The following RGS7 variants were observed in gnomAD, a reference collection of about 807,000 sequenced individuals.
RGS7 encodes regulator of G-protein signaling 7.
RGS7 carries 27 observed loss-of-function variants against 81.1 expected under a neutral mutation model. The observed-to-expected ratio is 0.33, with a 90% CI of 0.25 to 0.46. The LOEUF (loss-of-function observed/expected upper bound fraction) is 0.46, where lower values mean the gene tolerates loss of function less well. RGS7 is among the 20% of genes least tolerant of loss of function. RGS7 has a pLI of 1.00. For synonymous variants in RGS7, 208 were observed against 207.7 expected, an observed-to-expected ratio of 1.00 and a Z score of -0.01; for missense variants, 396 against 607.4, an observed-to-expected ratio of 0.65 and a Z score of 3.66.
chr1:241,291,330 CA>C (rs66616617), intron 2 of RGS7, among the ~76,000 whole-genome samples: 35,414 of 151,964 alleles, frequency 0.23, 4,713 homozygotes, highest in Non-Finnish European at 0.28. Flanking sequence ...CTCACAGTTA[CA>C]ATACACATGT....
chr1:241,223,642 G>T (rs1040938182), intron 2 of RGS7, among the ~76,000 whole-genome samples: 1 of 151,694 alleles, frequency 6.6e-6, no homozygotes, highest in Admixed American at 6.6e-5. Flanking sequence ...AGTTTGTCAC[G>T]TGAAAGAGGA....
At chr1:241,255,794 G>A (rs1469236199) in intron 2 of RGS7, among the ~76,000 whole-genome samples, 2 of 152,140 alleles carry the variant, frequency 1.3e-5, no homozygotes, top group African/African-American at 2.4e-5. Flanking sequence ...TTCCTACCGC[G>A]ATGTGCTTTT....
intron 2 of RGS7, among the ~76,000 whole-genome samples, chr1:241,124,536 G>A (rs1487914117): frequency 2.0e-5 from 3 of 152,248 alleles, no homozygotes; most frequent in Non-Finnish European, 4.4e-5. Flanking sequence ...CTGGGATAGA[G>A]GGTTAGGGAT....
At chr1:240,931,812 T>A (rs1675487677) in intron 5 of RGS7, among the ~76,000 whole-genome samples, 1 of 152,084 alleles carries the variant, frequency 6.6e-6, no homozygotes, top group Admixed American at 6.5e-5. Context: ...CGAGAGAAAC[T>A]TTATTATTAT....
chr1:240,877,284 T>C (rs894099765), intron 6 of RGS7, among the ~76,000 whole-genome samples: 3 of 149,354 alleles, frequency 2.0e-5, no homozygotes, highest in Non-Finnish European at 3.0e-5. Flanking sequence ...AAAGTATTTA[T>C]ATATTTATAT....
At chr1:241,019,264 T>C (rs1179092693) in intron 3 of RGS7, among the ~76,000 whole-genome samples, 1 of 152,176 alleles carries the variant, frequency 6.6e-6, no homozygotes. Context: ...CTGCTCCAAG[T>C]AAACAATTCT....
At chr1:240,843,577 TTTATG>T (rs1658519964) in intron 9 of RGS7, among the ~76,000 whole-genome samples, 1 of 152,198 alleles carries the variant, frequency 6.6e-6, no homozygotes, top group Non-Finnish European at 1.5e-5. Flanking sequence ...GACACATATC[TTTATG>T]TTGAGTTTTC....
intron 10 of RGS7, among the ~76,000 whole-genome samples, chr1:240,823,814 C>G (rs1692275984): frequency 7.4e-6 from 1 of 134,432 alleles, no homozygotes; most frequent in African/African-American, 2.7e-5. Flanking sequence ...TCTCTCTCCC[C>G]CCTCCCGCCC....
intron 2 of RGS7, among the ~76,000 whole-genome samples, chr1:241,311,643 G>A (rs1294171812): frequency 6.6e-6 from 1 of 152,152 alleles, no homozygotes; most frequent in Non-Finnish European, 1.5e-5. Context: ...TATTTCTATA[G>A]GGCTCAATTC....
intron 6 of RGS7, chr1:240,920,498 C>G (rs1237172759): frequency 3.0e-5 from 27 of 892,426 alleles, no homozygotes; most frequent in East Asian, 7.2e-5. Context: ...ACTTTGGAGG[C>G]AGAAGCTCTG....
intron 10 of RGS7, chr1:240,823,355 C>A (rs564428809): frequency 2.0e-6 from 1 of 497,000 alleles, no homozygotes; most frequent in Admixed American, 2.7e-5. Flanking sequence ...AAATTAGCTG[C>A]GGAGATGCCC....
intron 3 of RGS7, among the ~76,000 whole-genome samples, chr1:241,050,735 T>A (rs2061203914): frequency 6.6e-6 from 1 of 152,130 alleles, no homozygotes; most frequent in Admixed American, 6.6e-5. Flanking sequence ...TGAAAAGGAT[T>A]AAAACTGTTA....
intron 2 of RGS7, among the ~76,000 whole-genome samples, chr1:241,115,661 T>C (rs1255165027): frequency 6.6e-6 from 1 of 152,160 alleles, no homozygotes; most frequent in Non-Finnish European, 1.5e-5. Context: ...TCCGTTTCCC[T>C]TGGAGAATAT....
chr1:240,962,862 G>A (rs1324739551), intron 4 of RGS7, among the ~76,000 whole-genome samples: 1 of 152,180 alleles, frequency 6.6e-6, no homozygotes, highest in African/African-American at 2.4e-5. Flanking sequence ...AGCATGGGTT[G>A]AAAAGTGATC....
At chr1:240,795,220 A>ACC (rs77768292) in intron 18 of RGS7, among the ~76,000 whole-genome samples, 103,620 of 150,960 alleles carry the variant, frequency 0.69, 35,818 homozygotes, top group African/African-American at 0.72. Context: ...CACCACCACC[A>ACC]ACAAAAATCA....
chr1:241,109,867 A>G (rs1177792258), intron 2 of RGS7, among the ~76,000 whole-genome samples: 1 of 152,042 alleles, frequency 6.6e-6, no homozygotes, highest in African/African-American at 2.4e-5. Flanking sequence ...CTGAGGCAGG[A>G]GAATCGCTTG....
At chr1:241,239,521 CTCTTT>C (rs2076166434) in intron 2 of RGS7, among the ~76,000 whole-genome samples, 1 of 152,168 alleles carries the variant, frequency 6.6e-6, no homozygotes, top group South Asian at 2.1e-4. Context: ...TATAATCTGA[CTCTTT>C]TCTTGTTACT....
chr1:241,275,596 G>C (rs914948825), intron 2 of RGS7, among the ~76,000 whole-genome samples: 1 of 152,152 alleles, frequency 6.6e-6, no homozygotes, highest in African/African-American at 2.4e-5. Context: ...ATCTTTACTA[G>C]TGGACTCAGA....
chr1:240,957,340 T>C (rs1482504890), intron 4 of RGS7, among the ~76,000 whole-genome samples: 1 of 152,206 alleles, frequency 6.6e-6, no homozygotes, highest in Non-Finnish European at 1.5e-5. Context: ...GGCCACACAC[T>C]GAAGGCTGCA....
Sources: gnomAD v4.1 joint callset for allele counts (sites outside exome capture counted in the v4.1 genomes callset) on GRCh38, gnomAD v4.1.1 for gene constraint, MANE v1.5 for transcripts, NCBI Gene and HGNC (gene_info 2026-07-23, HGNC 2026-07-21) for gene names.